The following NDUFAF2 variants were observed in gnomAD, a reference collection of about 807,000 sequenced individuals.
NDUFAF2 encodes the protein NADH:ubiquinone oxidoreductase complex assembly factor 2.
In NDUFAF2, 13 loss-of-function variants were observed where a neutral mutation model predicts 22.8. The ratio of observed to expected loss-of-function variants is 0.57; its 90% CI spans 0.37 to 0.91. The LOEUF is 0.91. Ranked by LOEUF, NDUFAF2 falls within the 40% of genes least tolerant of loss-of-function variation. The pLI is 0.01. For synonymous variants in NDUFAF2, 53 were observed against 64.2 expected (o/e 0.83, Z 0.84); for missense variants, 162 against 195.2 (o/e 0.83, Z 1.01).
rs967126073 is a variant in NDUFAF2 at position 61,152,872 on chromosome 5, C to A, written c.427C>A (p.Pro143Thr). Residue 143 changes from proline to threonine, a missense_variant, in exon 4 of 4, where the codon CCC (proline) becomes ACC (threonine). By Grantham distance (38) the Pro-to-Thr change is conservative. Transcript: ENST00000296597. ...TGCTCCATACTTTGGAAAGGAAGAA[C>A]CCTCAGTGGCTCCCAGCAGCACTGG... is the stretch of plus-strand genomic sequence containing the variant. ...ASAPYFGKEE[P>T]SVAPSSTGKT... The A allele has an allele frequency of 3.1e-6, 5 of 1,610,916 alleles. No individual in the cohort carries two copies. The African/African-American group carries it at 5.3e-5, about 17-fold the overall frequency.
rs773181199 is a variant in NDUFAF2, at chr5:61,006,982, A to T, written c.127+61600A>T. Among the ~76,000 whole-genome samples, 13 of 152,134 alleles carry T rather than the reference A, an allele frequency of 8.5e-5. No homozygotes were observed. In the East Asian group the frequency reaches 1.5e-3, roughly 18 times the overall value. Reference sequence around the variant, plus strand: ...AAAGAACGGATTTTTTTTCTTGTAAATTTGTTTGAGTTCATTGTAGATTCC... The same window carrying T: ...AAAGAACGGATTTTTTTTCTTGTAATTTTGTTTGAGTTCATTGTAGATTCC... On this transcript the variant is annotated intron_variant, in intron 1 of 3. Coordinates refer to ENST00000296597, the MANE Select transcript of NDUFAF2 (RefSeq NM_174889.5).
At chr5:60,992,625 G>C (rs938142911) in intron 1 of NDUFAF2, among the ~76,000 whole-genome samples, 1 of 152,060 alleles carries the variant, frequency 6.6e-6, no homozygotes, top group African/African-American at 2.4e-5. Flanking sequence ...TATCCAGTGA[G>C]TTTTGTACCT....
chr5:61,064,939 G>T (rs1485692706), intron 1 of NDUFAF2, among the ~76,000 whole-genome samples: 3 of 151,660 alleles, frequency 2.0e-5, no homozygotes, highest in Non-Finnish European at 2.9e-5. Flanking sequence ...CAAAGAGTTG[G>T]TTTTTTGAAA....
intron 1 of NDUFAF2, among the ~76,000 whole-genome samples, chr5:60,994,758 G>A (rs1751206679): frequency 6.6e-6 from 1 of 152,078 alleles, no homozygotes; most frequent in Admixed American, 6.6e-5. Flanking sequence ...GTTCTCTGTT[G>A]TTATCCCTTT....
At chr5:61,024,601 A>T (rs1251494671) in intron 1 of NDUFAF2, among the ~76,000 whole-genome samples, 1 of 152,078 alleles carries the variant, frequency 6.6e-6, no homozygotes, top group Non-Finnish European at 1.5e-5. Context: ...TAGAGAAAGT[A>T]ACTTATCCCA....
chr5:61,119,860 G>C (rs1229963329), intron 3 of NDUFAF2, among the ~76,000 whole-genome samples: 1 of 152,006 alleles, frequency 6.6e-6, no homozygotes, highest in Non-Finnish European at 1.5e-5. Flanking sequence ...GATCTTACTT[G>C]ATTTATTTTC....
intron 1 of NDUFAF2, among the ~76,000 whole-genome samples, chr5:61,040,286 A>ACACGCGCGCG (rs1491193758): frequency 1.5e-4 from 14 of 93,094 alleles, no homozygotes; most frequent in East Asian, 2.8e-4. Flanking sequence ...ACACACACAC[A>ACACGCGCGCG]CGCGCGCGCG....
intron 1 of NDUFAF2, among the ~76,000 whole-genome samples, chr5:60,956,779 A>G (rs756544406): frequency 2.0e-5 from 3 of 152,094 alleles, no homozygotes; most frequent in Non-Finnish European, 4.4e-5. Context: ...TACTTTCTGT[A>G]TTTCTGTGTG....
At chr5:60,949,530 A>G (rs922176983) in intron 1 of NDUFAF2, among the ~76,000 whole-genome samples, 6 of 152,220 alleles carry the variant, frequency 3.9e-5, no homozygotes, top group South Asian at 2.1e-4. Context: ...TCGTGTGAAC[A>G]TAAGTTTTCA....
chr5:61,009,200 G>T (rs162229), intron 1 of NDUFAF2, among the ~76,000 whole-genome samples: 5 of 152,008 alleles, frequency 3.3e-5, no homozygotes, highest in African/African-American at 1.2e-4. Flanking sequence ...TATTTTAGGT[G>T]TTATAAGTTA....
intron 1 of NDUFAF2, among the ~76,000 whole-genome samples, chr5:61,058,156 G>A (rs248685): frequency 0.6 from 91,253 of 151,810 alleles, 28,178 homozygotes; most frequent in East Asian, 0.94. Context: ...CACATAATCA[G>A]CTGTATCTGC....
At chr5:60,968,606 A>G (rs532059284) in intron 1 of NDUFAF2, among the ~76,000 whole-genome samples, 5 of 152,070 alleles carry the variant, frequency 3.3e-5, no homozygotes, top group South Asian at 2.1e-4. Flanking sequence ...TAGTAAATGT[A>G]TATATGTATA....
At chr5:60,992,053 T>G (rs970286741) in intron 1 of NDUFAF2, among the ~76,000 whole-genome samples, 1 of 152,234 alleles carries the variant, frequency 6.6e-6, no homozygotes, top group African/African-American at 2.4e-5. Context: ...TCAGTGATGT[T>G]GAGCACTCTT....
chr5:61,027,471 A>G (rs775165215), intron 1 of NDUFAF2, among the ~76,000 whole-genome samples: 1 of 151,992 alleles, frequency 6.6e-6, no homozygotes, highest in Non-Finnish European at 1.5e-5. Context: ...CCAGTTAAAT[A>G]TATTTTGACT....
intron 2 of NDUFAF2, among the ~76,000 whole-genome samples, chr5:61,092,287 A>T (rs1026800045): frequency 6.6e-6 from 1 of 152,160 alleles, no homozygotes; most frequent in Non-Finnish European, 1.5e-5. Context: ...AATAGCATTG[A>T]ATCTGTAAAT....
At chr5:60,953,160 A>G (rs879601833) in intron 1 of NDUFAF2, among the ~76,000 whole-genome samples, 1 of 152,140 alleles carries the variant, frequency 6.6e-6, no homozygotes, top group African/African-American at 2.4e-5. Flanking sequence ...AAACCACACC[A>G]AGGCATATTA....
At chr5:61,118,727 T>C (rs546631317) in intron 3 of NDUFAF2, among the ~76,000 whole-genome samples, 2 of 152,294 alleles carry the variant, frequency 1.3e-5, no homozygotes, top group Admixed American at 1.3e-4. Context: ...TGCAAGATGG[T>C]GCATAGTTTT....
intron 3 of NDUFAF2, among the ~76,000 whole-genome samples, chr5:61,107,076 C>CACACAT (rs1349404307): frequency 2.0e-5 from 3 of 150,238 alleles, no homozygotes; most frequent in African/African-American, 5.0e-5. Flanking sequence ...CACACACACA[C>CACACAT]ACACACACAC....
chr5:61,061,135 C>T (rs1752160139), intron 1 of NDUFAF2, among the ~76,000 whole-genome samples: 1 of 152,122 alleles, frequency 6.6e-6, no homozygotes, highest in Admixed American at 6.5e-5. Context: ...TTATTTCTAA[C>T]CATCCTTTAA....
Sources: gnomAD v4.1 joint callset for allele counts (sites outside exome capture counted in the v4.1 genomes callset) on GRCh38, gnomAD v4.1.1 for gene constraint, MANE v1.5 for transcripts, NCBI Gene and HGNC (gene_info 2026-07-23, HGNC 2026-07-21) for gene names.